The following GRXCR1 variants were observed in gnomAD, a reference collection of about 807,000 sequenced individuals.
GRXCR1 encodes glutaredoxin and cysteine rich domain containing 1.
Under a neutral mutation model 27.3 loss-of-function variants are expected in GRXCR1, and 27 were observed. The observed-to-expected ratio is 0.99, with a 90% confidence interval of 0.73 to 1.37. The LOEUF (loss-of-function observed/expected upper bound fraction) is 1.37, where lower values mean the gene tolerates loss of function less well. Among genes scored for constraint, GRXCR1 ranks in the 40% most tolerant of loss-of-function variants. The probability of loss-of-function intolerance (pLI) is 0.00; values close to 1 mark genes in which losing one functional copy is unlikely to be tolerated. For synonymous variants in GRXCR1, 122 were observed against 131.1 expected, an observed-to-expected ratio of 0.93 and a Z score of 0.47; for missense variants, 379 against 354.4, an observed-to-expected ratio of 1.07 and a Z score of -0.56.
At chr4:42,966,029 G>A (rs568110752) in intron 2 of GRXCR1, among the ~76,000 whole-genome samples, 6 of 151,692 alleles carry the variant, frequency 4.0e-5, no homozygotes, top group African/African-American at 1.2e-4. Context: ...GAAGATGGAA[G>A]CAATGAAACA....
chr4:42,938,609 T>C (rs1234702104), intron 1 of GRXCR1, among the ~76,000 whole-genome samples: 1 of 152,024 alleles, frequency 6.6e-6, no homozygotes, highest in Non-Finnish European at 1.5e-5. Flanking sequence ...ATTTTCCCCA[T>C]ATATTCTTGT....
chr4:42,996,240 C>A (rs1171183995), intron 2 of GRXCR1, among the ~76,000 whole-genome samples: 1 of 152,144 alleles, frequency 6.6e-6, no homozygotes, highest in Non-Finnish European at 1.5e-5. Context: ...CTACAGAAAT[C>A]TATCTTGAAC....
At position 42,975,146 on chromosome 4, in the gene GRXCR1, A is replaced by G. The variant is rs149921368; in HGVS notation, c.627+12012A>G. Reference sequence around the variant, plus strand: ...TGGGAATGGAGGTGCACAGGCATTCATTAATCCATAAAAACCTTTTGAGCA... The same window carrying G: ...TGGGAATGGAGGTGCACAGGCATTCGTTAATCCATAAAAACCTTTTGAGCA... On this transcript the variant is annotated intron_variant, in intron 2 of 3. Coordinates refer to ENST00000399770, the MANE Select transcript of GRXCR1 (RefSeq NM_001080476.3). Among the ~76,000 whole-genome samples, 88 of 152,278 alleles carry G rather than the reference A, an allele frequency of 5.8e-4. 2 individuals carry two copies. In the East Asian group the frequency reaches 0.014, roughly 24 times the overall value.
intron 2 of GRXCR1, among the ~76,000 whole-genome samples, chr4:42,993,671 A>G (rs936387848): frequency 2.6e-5 from 4 of 152,146 alleles, no homozygotes; most frequent in African/African-American, 9.7e-5. Flanking sequence ...CTGTACTGAA[A>G]GTGAAAAGCG....
At chr4:43,006,658 T>G (rs1712568372) in intron 2 of GRXCR1, among the ~76,000 whole-genome samples, 1 of 152,186 alleles carries the variant, frequency 6.6e-6, no homozygotes, top group Non-Finnish European at 1.5e-5. Flanking sequence ...CGAAACTTCA[T>G]TAGCAATTTT....
intron 2 of GRXCR1, among the ~76,000 whole-genome samples, chr4:43,008,662 C>T (rs1007646132): frequency 6.6e-6 from 1 of 151,798 alleles, no homozygotes; most frequent in Non-Finnish European, 1.5e-5. Context: ...TCATAGTATC[C>T]CTAAGAGGTA....
intron 1 of GRXCR1, among the ~76,000 whole-genome samples, chr4:42,941,790 T>C (rs556882080): frequency 6.6e-6 from 1 of 152,190 alleles, no homozygotes; most frequent in Non-Finnish European, 1.5e-5. Flanking sequence ...TCAGTCATCT[T>C]ATGATACGTA....
At chr4:42,982,912 T>A (rs2109786077) in intron 2 of GRXCR1, among the ~76,000 whole-genome samples, 1 of 152,196 alleles carries the variant, frequency 6.6e-6, no homozygotes, top group Non-Finnish European at 1.5e-5. Context: ...TGTTTGTTTT[T>A]TTTTGTAAAT....
At chr4:42,967,210 TC>T (rs1199841075) in intron 2 of GRXCR1, among the ~76,000 whole-genome samples, 1 of 152,100 alleles carries the variant, frequency 6.6e-6, no homozygotes, top group African/African-American at 2.4e-5. Flanking sequence ...TATATTGAGT[TC>T]ATTTTTGTGA....
At position 43,027,372 on chromosome 4, in the gene GRXCR1, TAA is replaced by T. The variant is rs1248912108; in HGVS notation, c.694-2988_694-2987del. ...AAATGTAGCTTTGGTATTTATATAT[TAA>T]GTTTATTTTAGGAAATTTGTTCTGA... On this transcript the variant is annotated intron_variant, in intron 3 of 3. Transcript: ENST00000399770. Among the ~76,000 whole-genome samples the T allele has an allele frequency of 3.3e-5, 5 of 152,336 alleles. No individual in the cohort carries two copies. In the East Asian group the frequency reaches 5.8e-4, roughly 18 times the overall value.
chr4:42,939,603 T>A (rs1747560193), intron 1 of GRXCR1, among the ~76,000 whole-genome samples: 1 of 152,042 alleles, frequency 6.6e-6, no homozygotes, highest in Non-Finnish European at 1.5e-5. Flanking sequence ...AAGGTTTCCC[T>A]CTAATGCTCT....
intron 1 of GRXCR1, among the ~76,000 whole-genome samples, chr4:42,956,479 A>G (rs1361246075): frequency 6.6e-6 from 1 of 151,764 alleles, no homozygotes; most frequent in Non-Finnish European, 1.5e-5. Flanking sequence ...CAAAGGCAAT[A>G]TCATTTAAAG....
chr4:42,900,232 A>G (rs1467496513), intron 1 of GRXCR1, among the ~76,000 whole-genome samples: 3 of 152,210 alleles, frequency 2.0e-5, no homozygotes, highest in Non-Finnish European at 4.4e-5. Context: ...TTACAAAATT[A>G]TAAACAGAAT....
At chr4:42,987,232 TATATATATA>T (rs1711779421) in intron 2 of GRXCR1, among the ~76,000 whole-genome samples, 1 of 86,630 alleles carries the variant, frequency 1.2e-5, no homozygotes, top group East Asian at 3.3e-4. Context: ...TTATATATTA[TATATATATA>T]ATATATAATA....
chr4:42,910,480 T>C (rs922787932), intron 1 of GRXCR1, among the ~76,000 whole-genome samples: 7 of 152,162 alleles, frequency 4.6e-5, no homozygotes, highest in African/African-American at 1.4e-4. Flanking sequence ...CCACTTATAC[T>C]CCTGGGCTAC....
intron 1 of GRXCR1, among the ~76,000 whole-genome samples, chr4:42,931,065 T>TA (rs1231718033): frequency 6.6e-6 from 1 of 151,926 alleles, no homozygotes; most frequent in Non-Finnish European, 1.5e-5. Flanking sequence ...AAAGCTTTTT[T>TA]TTTTCCCTTT....
chr4:42,894,226 ACTC>A (rs1408809442), intron 1 of GRXCR1, among the ~76,000 whole-genome samples: 2 of 152,092 alleles, frequency 1.3e-5, no homozygotes, highest in Non-Finnish European at 2.9e-5. Context: ...TGAAAAAATT[ACTC>A]CTCTATAAAT....
At chr4:42,987,242 A>T (rs371948755) in intron 2 of GRXCR1, among the ~76,000 whole-genome samples, 29 of 50,976 alleles carry the variant, frequency 5.7e-4, no homozygotes, top group East Asian at 1.0e-3. Context: ...TATATATATA[A>T]TATATAATAT....
chr4:42,987,219 ATATT>A (rs1208049382), intron 2 of GRXCR1, among the ~76,000 whole-genome samples: 90 of 46,952 alleles, frequency 1.9e-3, no homozygotes, highest in Admixed American at 3.4e-3. Context: ...TATTATATAT[ATATT>A]ATATATTATA....
Sources: gnomAD v4.1 joint callset for allele counts (sites outside exome capture counted in the v4.1 genomes callset) on GRCh38, gnomAD v4.1.1 for gene constraint, MANE v1.5 for transcripts, NCBI Gene and HGNC (gene_info 2026-07-23, HGNC 2026-07-21) for gene names.